Variants in AADACL2 observed in about 807,000 individuals in gnomAD.
AADACL2 encodes the protein arylacetamide deacetylase like 2, also known as arylacetamide deacetylase-like 2.
AADACL2 carries 23 observed loss-of-function variants against 22.3 expected under a neutral mutation model. That is an observed-to-expected ratio of 1.03 (90% confidence interval 0.74 to 1.46). AADACL2 has a LOEUF of 1.46. Ranked by LOEUF, AADACL2 falls within the 40% of genes most tolerant of loss-of-function variation. AADACL2 has a pLI of 0.00. For synonymous variants in AADACL2, 177 were observed against 166.2 expected, an observed-to-expected ratio of 1.07 and a Z score of -0.50; for missense variants, 472 against 482.9, an observed-to-expected ratio of 0.98 and a Z score of 0.21.
At chr3:151,744,229 T>G in intron 3 of AADACL2, 67 bp downstream of exon 3, 1 of 1,436,424 alleles carries the variant, frequency 7.0e-7, no homozygotes, top group Admixed American at 1.8e-5. Context: ...GATTTCCACA[T>G]CAAGTCAGCT....
In AADACL2 at chr3:151,751,672, G is replaced by A. The variant is rs189604953; in HGVS notation, c.604-5320G>A. 4.1e-3 allele frequency among the ~76,000 whole-genome samples: 617 copies of A among 151,996 alleles called. 3 individuals are homozygous for A. The highest frequency in any genetic ancestry group is 0.01 in the Middle Eastern group (3 of 294). On this transcript the variant is annotated intron_variant, in intron 4 of 4. Transcript: ENST00000356517. ...CAATGCAACATGGGTGACAGAGGAA[G>A]ACCCTAATTCTAAAAAACAAAAAAG...
chr3:151,740,549 C>A, intron 1 of AADACL2, 97 bp from the exon 2 acceptor site: 2 of 772,176 alleles, frequency 2.6e-6, no homozygotes, highest in Non-Finnish European at 3.9e-6. Context: ...TTTTGTTTAC[C>A]TTGCTTATTT....
chr3:151,746,041 AT>A (rs777522938), intron 4 of AADACL2, among the ~76,000 whole-genome samples: 1 of 152,102 alleles, frequency 6.6e-6, no homozygotes, highest in Non-Finnish European at 1.5e-5. Context: ...TTTGGGGAGG[AT>A]TGACGTGTCA....
At chr3:151,755,071 C>T (rs1190579576) in intron 4 of AADACL2, 2 of 152,110 alleles carry the variant, frequency 1.3e-5, no homozygotes, top group Admixed American at 1.3e-4. Context: ...TTGGGACCTA[C>T]TTGTTTTATA....
Position 151,740,661 on chromosome 3 carries a change from A to G in AADACL2, c.154A>G (p.Asn52Asp), listed in dbSNP as rs769826094. 65 of 1,608,334 alleles carry G rather than the reference A, an allele frequency of 4.0e-5. No homozygotes were observed. The highest frequency in any genetic ancestry group is 1.7e-4 in the Middle Eastern group (1 of 6,056). The change falls in exon 2 of 5, where the codon AAT becomes GAT. Residue 52 changes from asparagine (N) to aspartate (D), a missense_variant. Around this residue, in one of 3 missense-constraint regions of AADACL2, gnomAD observed 356 missense variants for 365.5 expected, o/e 0.97. Coordinates refer to ENST00000356517, the MANE Select transcript of AADACL2 (RefSeq NM_207365.4). ...TCTFTAMCFE[N>D]MRIMRYEEFI... ...GTTCTTACAGGCTATGTGTTTTGAA[A>G]ATATGCGTATTATGAGATATGAAGA...
chr3:151,753,732 C>A (rs1261664995), intron 4 of AADACL2, among the ~76,000 whole-genome samples: 1 of 152,144 alleles, frequency 6.6e-6, no homozygotes, highest in Admixed American at 6.5e-5. Flanking sequence ...ATTTTGTCTA[C>A]ATCCATCCTT....
intron 4 of AADACL2, among the ~76,000 whole-genome samples, chr3:151,756,361 C>T (rs1576618849): frequency 1.3e-5 from 2 of 152,150 alleles, no homozygotes; most frequent in Admixed American, 1.3e-4. Context: ...TTTGTTTCTC[C>T]AACACTGCAT....
intron 3 of AADACL2, among the ~76,000 whole-genome samples, chr3:151,744,866 C>A (rs886183931): frequency 1.4e-4 from 22 of 152,024 alleles, no homozygotes; most frequent in African/African-American, 5.1e-4. Context: ...ATGTATTTTC[C>A]TGTCTTACTG....
chr3:151,760,254 T>A lies in AADACL2; in HGVS notation c.*2660T>A, dbSNP rs1714096241. 6.6e-6 allele frequency: 1 copy of A among 152,138 alleles called. No homozygotes were observed. The highest frequency in any genetic ancestry group is 2.4e-5 in the African/African-American group (1 of 41,434). The allele number at this position is 152,138 out of a possible 1,614,324, so 9.4% of individuals were successfully genotyped here. A position where few individuals can be genotyped will look rare whatever the true frequency, so the allele number is the denominator to read the frequency against. ...ACCCCATGGCATTACAGCTAAAAAT[T>A]CCAACGTTTTCAGTCTCTTTGTAGC... On this transcript the variant is annotated 3_prime_UTR_variant, in exon 5 of 5. Coordinates refer to ENST00000356517, the MANE Select transcript of AADACL2 (RefSeq NM_207365.4).
At position 151,734,959 on chromosome 3, in the gene AADACL2, G is replaced by A. The variant is rs943835297; in HGVS notation, c.138+786G>A. ...CTTCCAGAAAGGGTAACAATAAGAG[G>A]CTCAAAGGAGAAGGCCACAGAAGAT... On this transcript the variant is annotated intron_variant, in intron 1 of 4. Coordinates refer to ENST00000356517, the MANE Select transcript of AADACL2 (RefSeq NM_207365.4). Among the ~76,000 whole-genome samples, 7 of 152,186 alleles carry A rather than the reference G, an allele frequency of 4.6e-5. No homozygotes were observed. In the South Asian group the frequency reaches 1.2e-3, roughly 27 times the overall value.
Position 151,733,983 on chromosome 3 carries a change from T to C in AADACL2, c.-53T>C. On this transcript the variant is annotated 5_prime_UTR_variant, in exon 1 of 5. Coordinates refer to ENST00000356517, the MANE Select transcript of AADACL2 (RefSeq NM_207365.4). ...TTGCTCTACTAGTTACTATTCAGTG[T>C]TTGTGAAAAATTTTAATCTCAGTAC... 1.3e-6 allele frequency: 2 copies of C among 1,526,974 alleles called. No individual in the cohort carries two copies. Among genetic ancestry groups the C allele is most frequent in the Non-Finnish European group, 1.8e-6 (2 of 1,134,944 alleles). The allele number at this position is 1,526,974 out of a possible 1,614,324, so 94.6% of individuals were successfully genotyped here.
At chr3:151,744,474 C>T (rs1462394745) in intron 3 of AADACL2, among the ~76,000 whole-genome samples, 1 of 152,050 alleles carries the variant, frequency 6.6e-6, no homozygotes, top group Non-Finnish European at 1.5e-5. Flanking sequence ...AGTATATTAA[C>T]TATTACACAT....
chr3:151,752,511 C>A (rs571917581), intron 4 of AADACL2, among the ~76,000 whole-genome samples: 1 of 152,142 alleles, frequency 6.6e-6, no homozygotes, highest in South Asian at 2.1e-4. Context: ...CTGGTCACAA[C>A]GATCTGGATG....
chr3:151,760,297 G>A lies in AADACL2; in HGVS notation c.*2703G>A, dbSNP rs1714098389. The A allele has an allele frequency of 6.6e-6, 1 of 152,080 alleles. No individual in the cohort carries two copies. The highest frequency in any genetic ancestry group is 2.4e-5 in the African/African-American group (1 of 41,412). 9.4% of individuals were successfully genotyped at this position (152,080 alleles called of 1,614,324 possible). A position where few individuals can be genotyped will look rare whatever the true frequency, so the allele number is the denominator to read the frequency against. On this transcript the variant is annotated 3_prime_UTR_variant, in exon 5 of 5. Transcript: ENST00000356517. ...TTTGTAGCTATGTTATCCAGACATT[G>A]ATTTGTATTTACATCTCATCTTCCT...
rs1415886955 is a variant in AADACL2 at position 151,759,241 on chromosome 3, G to C, written c.*1647G>C. 5 of 151,968 alleles carry C rather than the reference G, an allele frequency of 3.3e-5. No individual in the cohort carries two copies. The highest frequency in any genetic ancestry group is 5.9e-5 in the Non-Finnish European group (4 of 67,944). The allele number at this position is 151,968 out of a possible 1,614,324, so 9.4% of individuals were successfully genotyped here. ...TGATATATTTTAAAATTTGTAATTT[G>C]TTTTTCATGATACTGAATCTGGTTC... On this transcript the variant is annotated 3_prime_UTR_variant, in exon 5 of 5. Transcript: ENST00000356517.
At chr3:151,736,493 G>A (rs1205085348) in intron 1 of AADACL2, among the ~76,000 whole-genome samples, 1 of 152,058 alleles carries the variant, frequency 6.6e-6, no homozygotes, top group Non-Finnish European at 1.5e-5. Flanking sequence ...CCTCCCGACA[G>A]GCCCTGGTGC....
chr3:151,759,177 T>C lies in AADACL2; in HGVS notation c.*1583T>C, dbSNP rs1372838234. 2.6e-5 allele frequency: 4 copies of C among 152,108 alleles called. No individual in the cohort carries two copies. Among genetic ancestry groups the C allele is most frequent in the Admixed American group, 6.6e-5 (1 of 15,262 alleles). The allele number at this position is 152,108 out of a possible 1,614,324, so 9.4% of individuals were successfully genotyped here. A position where few individuals can be genotyped will look rare whatever the true frequency, so the allele number is the denominator to read the frequency against. On this transcript the variant is annotated 3_prime_UTR_variant, in exon 5 of 5. Transcript: ENST00000356517. The stretch of plus-strand genomic sequence containing the variant: ...TGCTATACTACATACACTAAGAATA[T>C]TGTATTTTTCATAATTCTGATTTAA...
chr3:151,740,980 G>T, intron 2 of AADACL2, 112 bp downstream of exon 2: 1 of 815,482 alleles, frequency 1.2e-6, no homozygotes, highest in Admixed American at 2.8e-5. Context: ...ATATATACTT[G>T]TCTGGATATG....
intron 4 of AADACL2, among the ~76,000 whole-genome samples, chr3:151,752,913 T>A (rs944720951): frequency 2.0e-5 from 3 of 152,212 alleles, no homozygotes; most frequent in Admixed American, 2.0e-4. Context: ...AGCCGTATGA[T>A]CTTATTTATA....
Sources: gnomAD v4.1 joint callset for allele counts (sites outside exome capture counted in the v4.1 genomes callset) on GRCh38, gnomAD v4.1.1 for gene constraint, gnomAD v4.1.1 regional missense constraint, MANE v1.5 for transcripts, NCBI Gene and HGNC (gene_info 2026-07-23, HGNC 2026-07-21) for gene names.